FAM222B: variants seen among roughly 807,000 people sequenced by gnomAD.
FAM222B encodes the protein family with sequence similarity 222 member B.
In FAM222B, 12 loss-of-function variants were observed where a neutral mutation model predicts 38.0. The observed-to-expected ratio is 0.32, with a 90% confidence interval of 0.20 to 0.51. The LOEUF (loss-of-function observed/expected upper bound fraction) is 0.51, where lower values mean the gene tolerates loss of function less well. FAM222B is among the 20% of genes least tolerant of loss of function. FAM222B has a pLI of 0.97. For synonymous variants in FAM222B, 329 were observed against 317.2 expected (o/e 1.04, Z -0.40); for missense variants, 716 against 754.2 (o/e 0.95, Z 0.59).
At position 28,758,292 on chromosome 17, in the gene FAM222B, A is replaced by G. The variant is rs1260537189; in HGVS notation, c.1667T>C (p.Ile556Thr). The stretch of plus-strand genomic sequence containing the variant: ...TACCTATCTATACCCTGGGTGCTGA[A>G]TATGAAGACTTCGACTCTCTGTGGG... ...PDPTESRSLH[I>T]QHPGYR Residue 556 changes from isoleucine (I) to threonine (T), a missense_variant, in exon 3 of 3, where the codon ATT (isoleucine) becomes ACT (threonine). Coordinates refer to ENST00000581407, the MANE Select transcript of FAM222B (RefSeq NM_001077498.3). The G allele has an allele frequency of 1.3e-6, 2 of 1,595,698 alleles. No homozygotes were observed. The highest frequency in any genetic ancestry group is 3.5e-5 in the Admixed American group (2 of 57,212).
At chr17:28,837,825 G>A (rs926526116) in intron 1 of FAM222B, among the ~76,000 whole-genome samples, 1 of 151,904 alleles carries the variant, frequency 6.6e-6, no homozygotes, top group East Asian at 2.0e-4. Context: ...GCTAATCTTT[G>A]TATTTTTAGC....
At chr17:28,770,952 A>G (rs143034035) in intron 1 of FAM222B, among the ~76,000 whole-genome samples, 90 of 151,116 alleles carry the variant, frequency 6.0e-4, no homozygotes, top group Admixed American at 1.4e-3. Context: ...ATATATATAT[A>G]TGTGTGTGTG....
chr17:28,760,654 C>G (rs1370178413), intron 2 of FAM222B, among the ~76,000 whole-genome samples: 2 of 151,934 alleles, frequency 1.3e-5, no homozygotes, highest in Non-Finnish European at 2.9e-5. Context: ...GGGGTAGGTT[C>G]TAAGCAAAGC....
At chr17:28,820,077 C>G (rs781076883) in intron 1 of FAM222B, among the ~76,000 whole-genome samples, 1 of 152,162 alleles carries the variant, frequency 6.6e-6, no homozygotes, top group Non-Finnish European at 1.5e-5. Context: ...TTACTTTGTT[C>G]TAAAATTAGC....
At chr17:28,787,692 G>C (rs1197843652) in intron 1 of FAM222B, among the ~76,000 whole-genome samples, 1 of 152,138 alleles carries the variant, frequency 6.6e-6, no homozygotes, top group African/African-American at 2.4e-5. Flanking sequence ...AGGAAAAACA[G>C]ATATACAGTC....
chr17:28,849,952 G>A (rs1046388919), intron 1 of FAM222B, among the ~76,000 whole-genome samples: 4 of 151,882 alleles, frequency 2.6e-5, no homozygotes, highest in African/African-American at 7.2e-5. Context: ...GCGTGGTGGC[G>A]CATGCCTGTA....
At chr17:28,764,180 G>A (rs369954669) in intron 2 of FAM222B, among the ~76,000 whole-genome samples, 80 of 150,158 alleles carry the variant, frequency 5.3e-4, no homozygotes, top group African/African-American at 1.8e-3. Flanking sequence ...ACTAAGGCAG[G>A]AGCACTGCTT....
At chr17:28,766,469 A>C in intron 2 of FAM222B, 117 bp downstream of exon 2, 1 of 798,804 alleles carries the variant, frequency 1.3e-6, no homozygotes, top group East Asian at 2.8e-5. Flanking sequence ...AAAAAAAAAA[A>C]AAAAGAAAGG....
Position 28,758,321 on chromosome 17 carries a change from G to A in FAM222B, c.1638C>T (p.Pro546=), listed in dbSNP as rs199981422. 997 of 1,608,924 alleles carry A rather than the reference G, an allele frequency of 6.2e-4. 18 individuals carry two copies. In the Admixed American group the frequency reaches 0.016, roughly 25 times the overall value. ...GAAGACTTCGACTCTCTGTGGGATC[G>A]GGGGCTCGGTTGCCAGGGGCTCGGT... ...KAHRAPGNRA[P]DPTESRSLHI... Residue 546 remains proline, a synonymous_variant, in exon 3 of 3, where the codon CCC becomes CCT. Coordinates refer to ENST00000581407, the MANE Select transcript of FAM222B (RefSeq NM_001077498.3).
At position 28,758,390 on chromosome 17, in the gene FAM222B, C is replaced by T; in HGVS notation, c.1569G>A (p.Gln523=). The T allele has an allele frequency of 6.2e-7, 1 of 1,613,884 alleles. No individual in the cohort carries two copies. Among genetic ancestry groups the T allele is most frequent in the Non-Finnish European group, 8.5e-7 (1 of 1,179,874 alleles). The part of the protein sequence containing the change: ...TVDYLSGDFQ[Q]ACFREQSLAM... ...CCAGGCTCTGTTCTCGGAAGCAGGC[C>T]TGTTGGAAATCCCCACTTAGGTAAT... is the stretch of plus-strand genomic sequence containing the variant. Residue 523 remains glutamine, a synonymous_variant, in exon 3 of 3, where the codon CAG becomes CAA. Transcript: ENST00000581407.
chr17:28,843,946 A>G (rs983569629), upstream of FAM222B, among the ~76,000 whole-genome samples: 2 of 152,204 alleles, frequency 1.3e-5, no homozygotes, highest in Non-Finnish European at 2.9e-5. Flanking sequence ...CATGCTGTTT[A>G]TTGGACAGAA....
At chr17:28,826,364 C>T (rs959509998) in intron 1 of FAM222B, among the ~76,000 whole-genome samples, 2 of 152,118 alleles carry the variant, frequency 1.3e-5, no homozygotes, top group Non-Finnish European at 2.9e-5. Flanking sequence ...GCCACCCACG[C>T]CCGGCCATTA....
At chr17:28,777,716 A>ATG (rs1395257902) in intron 1 of FAM222B, among the ~76,000 whole-genome samples, 2 of 151,996 alleles carry the variant, frequency 1.3e-5, no homozygotes, top group African/African-American at 2.4e-5. Context: ...CTGTGTGTGT[A>ATG]TGTGTGTGTG....
At position 28,755,988 on chromosome 17, in the gene FAM222B, CTTATTT is replaced by C. The variant is rs1289672919; in HGVS notation, c.*2276_*2281del. On this transcript the variant is annotated 3_prime_UTR_variant, in exon 3 of 3. Coordinates refer to ENST00000581407, the MANE Select transcript of FAM222B (RefSeq NM_001077498.3). ...GAACAAGGTCAGAAAGCGAGGTTTT[CTTATTT>C]TTACTGGTTTATAATAATCTTAAAA... 1 of 152,544 alleles carries C rather than the reference CTTATTT, an allele frequency of 6.6e-6. No homozygotes were observed. The highest frequency in any genetic ancestry group is 1.9e-4 in the East Asian group (1 of 5,198). 9.4% of individuals were successfully genotyped at this position (152,544 alleles called of 1,614,324 possible).
At chr17:28,764,814 C>T (rs561967165) in intron 2 of FAM222B, among the ~76,000 whole-genome samples, 28 of 151,814 alleles carry the variant, frequency 1.8e-4, no homozygotes, top group Non-Finnish European at 2.8e-4. Context: ...CCAATTTGCC[C>T]GTCCTCCAAA....
At chr17:28,837,055 G>A (rs1255534700) in intron 1 of FAM222B, among the ~76,000 whole-genome samples, 16 of 152,158 alleles carry the variant, frequency 1.1e-4, no homozygotes, top group Non-Finnish European at 2.2e-4. Context: ...AGTGGAGGCT[G>A]CAGTGAGCCA....
chr17:28,776,381 A>C (rs1284474734), intron 1 of FAM222B, among the ~76,000 whole-genome samples: 1 of 151,270 alleles, frequency 6.6e-6, no homozygotes, highest in Admixed American at 6.6e-5. Context: ...GTCTCAAAAA[A>C]AAAAAAAAAA....
intron 2 of FAM222B, among the ~76,000 whole-genome samples, chr17:28,760,922 G>A (rs2035041770): frequency 6.6e-6 from 1 of 152,220 alleles, no homozygotes; most frequent in South Asian, 2.1e-4. Flanking sequence ...GACTGGATGA[G>A]GATCAAAGGC....
chr17:28,844,430 C>A (rs1411237913), upstream of FAM222B, among the ~76,000 whole-genome samples: 1 of 151,998 alleles, frequency 6.6e-6, no homozygotes, highest in Non-Finnish European at 1.5e-5. Flanking sequence ...GAGGCCGAGG[C>A]GGGCGGATCA....
Sources: gnomAD v4.1 joint callset for allele counts (sites outside exome capture counted in the v4.1 genomes callset) on GRCh38, gnomAD v4.1.1 for gene constraint, MANE v1.5 for transcripts, NCBI Gene and HGNC (gene_info 2026-07-23, HGNC 2026-07-21) for gene names.